Variants in DLG2 observed in about 807,000 individuals in gnomAD.
DLG2 encodes discs large MAGUK scaffold protein 2, also known as disks large homolog 2.
A neutral mutation model predicts 132.5 loss-of-function variants in DLG2; 45 were observed. The observed-to-expected ratio is 0.34, with a 90% CI of 0.27 to 0.44. The LOEUF (loss-of-function observed/expected upper bound fraction) is 0.44, where lower values mean the gene tolerates loss of function less well. Among genes scored for constraint, DLG2 ranks in the 20% least tolerant of loss-of-function variants. The pLI, the probability that DLG2 is intolerant of heterozygous loss-of-function variation, is 1.00. For missense variants in DLG2, 1,045 were observed against 1,196.9 expected (o/e 0.87, Z 1.87); for synonymous variants, 424 against 419.6 (o/e 1.01, Z -0.13).
At chr11:83,582,468 C>T (rs192795274) in intron 19 of DLG2, among the ~76,000 whole-genome samples, 10 of 152,320 alleles carry the variant, frequency 6.6e-5, no homozygotes, top group African/African-American at 2.4e-4. Context: ...AGGCATAGTG[C>T]TTGATGCTGG....
chr11:83,717,453 G>A (rs1007174233), intron 18 of DLG2, among the ~76,000 whole-genome samples: 1 of 152,200 alleles, frequency 6.6e-6, no homozygotes, highest in African/African-American at 2.4e-5. Context: ...AGAGAAAAGA[G>A]GAGTAGCTGA....
At chr11:84,819,652 T>C (rs533721126) in intron 6 of DLG2, among the ~76,000 whole-genome samples, 78 of 151,934 alleles carry the variant, frequency 5.1e-4, no homozygotes, top group Non-Finnish European at 8.5e-4. Flanking sequence ...AAATTACCCA[T>C]TGACCTGCCA....
chr11:84,130,521 CACATATAT>C (rs1399918517), intron 9 of DLG2, among the ~76,000 whole-genome samples: 52 of 122,718 alleles, frequency 4.2e-4, no homozygotes, highest in African/African-American at 1.8e-3. Flanking sequence ...CACACACACA[CACATATAT>C]GTGTGTGTGT....
chr11:84,014,196 G>A (rs12791934), intron 11 of DLG2, among the ~76,000 whole-genome samples: 3,360 of 152,196 alleles, frequency 0.022, 68 homozygotes, highest in Middle Eastern at 0.034. Context: ...ATTTTGTGAA[G>A]TGATAAAATA....
intron 4 of DLG2, among the ~76,000 whole-genome samples, chr11:85,173,305 T>C (rs1226305721): frequency 3.3e-5 from 5 of 152,054 alleles, no homozygotes; most frequent in African/African-American, 7.2e-5. Flanking sequence ...CCAGAAGAGA[T>C]TGGGGCCAAT....
At chr11:85,565,327 A>G (rs2077473002) in intron 3 of DLG2, among the ~76,000 whole-genome samples, 1 of 152,106 alleles carries the variant, frequency 6.6e-6, no homozygotes, top group Non-Finnish European at 1.5e-5. Flanking sequence ...GTATAAATGT[A>G]AGCTGTGGGT....
intron 8 of DLG2, among the ~76,000 whole-genome samples, chr11:84,185,657 G>C (rs990624054): frequency 6.6e-6 from 1 of 152,120 alleles, no homozygotes; most frequent in East Asian, 1.9e-4. Flanking sequence ...GCCAGTTTTC[G>C]AAGGGAATGC....
At chr11:83,594,639 A>G (rs750573733) in intron 19 of DLG2, among the ~76,000 whole-genome samples, 5 of 152,188 alleles carry the variant, frequency 3.3e-5, no homozygotes, top group Non-Finnish European at 7.3e-5. Context: ...AGCCATGTAT[A>G]AAGGATACTT....
At chr11:84,632,793 T>G (rs1352394046) in intron 6 of DLG2, among the ~76,000 whole-genome samples, 1 of 152,202 alleles carries the variant, frequency 6.6e-6, no homozygotes, top group Non-Finnish European at 1.5e-5. Context: ...GAAATAAGAT[T>G]ATATTTTAAA....
chr11:84,033,792 A>T (rs2095781906), intron 11 of DLG2, among the ~76,000 whole-genome samples: 1 of 152,156 alleles, frequency 6.6e-6, no homozygotes, highest in African/African-American at 2.4e-5. Flanking sequence ...TAATCCCAGC[A>T]CTTTGCGAGG....
intron 21 of DLG2, among the ~76,000 whole-genome samples, chr11:83,514,515 C>T (rs2095208927): frequency 6.6e-6 from 1 of 152,134 alleles, no homozygotes; most frequent in Non-Finnish European, 1.5e-5. Context: ...ATTGAATACC[C>T]TTTATTTCCT....
intron 9 of DLG2, among the ~76,000 whole-genome samples, chr11:84,157,068 T>C (rs1418887700): frequency 1.3e-5 from 2 of 152,256 alleles, no homozygotes; most frequent in East Asian, 3.9e-4. Flanking sequence ...TTAATAATAG[T>C]GACAGGAATA....
At chr11:85,257,790 T>C (rs529053783) in intron 4 of DLG2, among the ~76,000 whole-genome samples, 54 of 152,124 alleles carry the variant, frequency 3.5e-4, no homozygotes, top group Non-Finnish European at 7.5e-4. Flanking sequence ...TCCATAAGAA[T>C]GAAACAACAA....
chr11:84,164,186 G>A (rs1357310669), intron 8 of DLG2, among the ~76,000 whole-genome samples: 1 of 152,144 alleles, frequency 6.6e-6, no homozygotes, highest in Non-Finnish European at 1.5e-5. Flanking sequence ...AATTTACAGA[G>A]AGAAATACAT....
intron 15 of DLG2, among the ~76,000 whole-genome samples, chr11:83,895,145 CTTTTTTTTTTTTT>C (rs11287512): frequency 2.3e-5 from 2 of 87,902 alleles, no homozygotes; most frequent in African/African-American, 5.0e-5. Context: ...GAACTACTGT[CTTTTTTTTTTTTT>C]TTTTTTTTTG....
In DLG2 at chr11:84,573,992, T is replaced by C. The variant is rs541185998; in HGVS notation, c.358-39261A>G. Among the ~76,000 whole-genome samples, 3 of 152,320 alleles carry C rather than the reference T, an allele frequency of 2.0e-5. No individual in the cohort carries two copies. The South Asian group carries it at 6.2e-4, about 32-fold the overall frequency. On this transcript the variant is annotated intron_variant, in intron 6 of 27. Transcript: ENST00000376104. ...CTTAACTATTCAACCAACTCCTTTA[T>C]TTCACAGAAAGGAAGTAAGGACTAG...
chr11:84,471,185 A>G (rs1428260152), intron 7 of DLG2, among the ~76,000 whole-genome samples: 2 of 151,718 alleles, frequency 1.3e-5, no homozygotes, highest in African/African-American at 4.8e-5. Context: ...ACAATTCTCC[A>G]TAGTAGTAGA....
chr11:84,266,724 G>C (rs1035416593), intron 7 of DLG2, among the ~76,000 whole-genome samples: 2 of 152,188 alleles, frequency 1.3e-5, no homozygotes, highest in Non-Finnish European at 2.9e-5. Flanking sequence ...TACATCCAGG[G>C]ACCACAGAGG....
chr11:84,515,308 CA>C (rs1282097156), intron 7 of DLG2, among the ~76,000 whole-genome samples: 10 of 151,380 alleles, frequency 6.6e-5, no homozygotes, highest in East Asian at 5.8e-4. Context: ...CACACACACA[CA>C]CACACACCCC....
Sources: gnomAD v4.1 joint callset for allele counts (sites outside exome capture counted in the v4.1 genomes callset) on GRCh38, gnomAD v4.1.1 for gene constraint, MANE v1.5 for transcripts, NCBI Gene and HGNC (gene_info 2026-07-23, HGNC 2026-07-21) for gene names.